The following LOC400499 variants were observed in gnomAD, a reference collection of about 807,000 sequenced individuals.
At chr16:11,456,753 C>T in the LOC400499 span, 3 of 1,351,144 alleles carry the variant, frequency 2.2e-6, no homozygotes, top group Non-Finnish European at 2.0e-6. Context: ...GTTAGCCTAG[C>T]CAACAAAAGG....
the LOC400499 span, chr16:11,460,477 C>T: frequency 2.0e-5 from 30 of 1,521,264 alleles, no homozygotes; most frequent in Middle Eastern, 5.0e-4. Context: ...GGGAACCCAC[C>T]TTGTGGCTGA....
chr16:11,396,531 C>T, the LOC400499 span: 2 of 1,232,204 alleles, frequency 1.6e-6, no homozygotes, highest in Non-Finnish European at 2.0e-6. Flanking sequence ...CCGGAGAAGT[C>T]AGCTGAACGA....
chr16:11,418,866 T>C, the LOC400499 span, among the ~76,000 whole-genome samples: 2 of 152,162 alleles, frequency 1.3e-5, no homozygotes, highest in Non-Finnish European at 2.9e-5. Context: ...ACAATTGTCT[T>C]AGTAAAACCT....
At chr16:11,409,456 C>T in the LOC400499 span, among the ~76,000 whole-genome samples, 2 of 152,112 alleles carry the variant, frequency 1.3e-5, no homozygotes, top group Non-Finnish European at 2.9e-5. Flanking sequence ...TTTTGTGTTA[C>T]AGTGACAATT....
the LOC400499 span, among the ~76,000 whole-genome samples, chr16:11,427,381 G>T: frequency 7.3e-6 from 1 of 137,598 alleles, no homozygotes; most frequent in Non-Finnish European, 1.5e-5. Context: ...AAAAAAAAGT[G>T]CTCAACATAA....
At chr16:11,432,741 C>T in the LOC400499 span, among the ~76,000 whole-genome samples, 5 of 152,190 alleles carry the variant, frequency 3.3e-5, no homozygotes, top group Non-Finnish European at 5.9e-5. Context: ...GGAACAAGAT[C>T]AGCCATGCAT....
At chr16:11,384,137 C>G in the LOC400499 span, 2 of 1,216,704 alleles carry the variant, frequency 1.6e-6, no homozygotes, top group Non-Finnish European at 2.1e-6. Flanking sequence ...ATCAGGCCGC[C>G]TGCCTCTCCC....
chr16:11,423,846 G>A, the LOC400499 span, among the ~76,000 whole-genome samples: 2 of 152,192 alleles, frequency 1.3e-5, no homozygotes, highest in African/African-American at 4.8e-5. Context: ...TGGCCCATGT[G>A]GGCACCCAAC....
the LOC400499 span, among the ~76,000 whole-genome samples, chr16:11,426,348 C>T: frequency 1.3e-5 from 2 of 151,794 alleles, no homozygotes; most frequent in African/African-American, 4.8e-5. Context: ...AAGTAGGAGA[C>T]TCGCTTGAAA....
At chr16:11,502,731 C>T in the LOC400499 span, among the ~76,000 whole-genome samples, 1 of 151,726 alleles carries the variant, frequency 6.6e-6, no homozygotes, top group Admixed American at 6.6e-5. Flanking sequence ...TCTCCCGCCT[C>T]AGCCTCCTGA....
chr16:11,430,060 T>C, the LOC400499 span, among the ~76,000 whole-genome samples: 1 of 152,132 alleles, frequency 6.6e-6, no homozygotes, highest in African/African-American at 2.4e-5. Flanking sequence ...AGACAGAAGG[T>C]GCCACCTGAC....
chr16:11,406,616 G>A, the LOC400499 span, among the ~76,000 whole-genome samples: 4 of 152,194 alleles, frequency 2.6e-5, no homozygotes, highest in South Asian at 4.1e-4. Flanking sequence ...ATTTTTAGTA[G>A]AGACGGGGTT....
At chr16:11,400,030 T>C in the LOC400499 span, among the ~76,000 whole-genome samples, 1 of 148,542 alleles carries the variant, frequency 6.7e-6, no homozygotes, top group African/African-American at 2.5e-5. Context: ...TCAGAGCCAT[T>C]CCCAGGCTGG....
chr16:11,456,858 C>T, the LOC400499 span: 3 of 1,536,292 alleles, frequency 2.0e-6, no homozygotes, highest in South Asian at 1.2e-5. Flanking sequence ...CCAACACTCA[C>T]CTTCCCACTT....
chr16:11,401,620 A>C, the LOC400499 span, among the ~76,000 whole-genome samples: 8 of 152,246 alleles, frequency 5.3e-5, no homozygotes, highest in Admixed American at 5.2e-4. Context: ...TGGAGCGAAC[A>C]CAGGACAGAG....
chr16:11,406,876 AG>A, the LOC400499 span, among the ~76,000 whole-genome samples: 1 of 152,234 alleles, frequency 6.6e-6, no homozygotes, highest in African/African-American at 2.4e-5. Flanking sequence ...TCCGTATCAT[AG>A]TACTATCTGG....
chr16:11,459,459 G>C, the LOC400499 span, among the ~76,000 whole-genome samples: 1 of 152,038 alleles, frequency 6.6e-6, no homozygotes, highest in East Asian at 1.9e-4. Context: ...GCCTCCCAAA[G>C]TGCTGGGATT....
At chr16:11,391,791 G>C in the LOC400499 span, 6 of 1,232,056 alleles carry the variant, frequency 4.9e-6, no homozygotes, top group African/African-American at 9.3e-5. Flanking sequence ...CGCCTGCATG[G>C]CCTCCCGCCC....
At chr16:11,477,379 T>C in the LOC400499 span, among the ~76,000 whole-genome samples, 1 of 152,156 alleles carries the variant, frequency 6.6e-6, no homozygotes, top group Non-Finnish European at 1.5e-5. Flanking sequence ...TCGGACCAAA[T>C]ATTGCACACC....
Sources: allele counts gnomAD v4.1 joint callset (sites outside exome capture counted in the v4.1 genomes callset), GRCh38; gene constraint gnomAD v4.1.1; transcripts MANE v1.5.